ZMYND8: variants seen among roughly 807,000 people sequenced by gnomAD.
The protein encoded by ZMYND8 is zinc finger MYND-type containing 8, also known as MYND-type zinc finger-containing chromatin reader ZMYND8.
In ZMYND8, 37 loss-of-function variants were observed where a neutral mutation model predicts 140.8. The observed-to-expected ratio is 0.26, with a 90% CI of 0.20 to 0.35. The LOEUF (loss-of-function observed/expected upper bound fraction) is 0.35. Among genes scored for constraint, ZMYND8 ranks in the 10% least tolerant of loss-of-function variants. The pLI is 1.00. For missense variants in ZMYND8, 1,068 were observed against 1,570.0 expected (o/e 0.68, Z 5.40); for synonymous variants, 592 against 597.1 (o/e 0.99, Z 0.12).
intron 12 of ZMYND8, among the ~76,000 whole-genome samples, chr20:47,251,484 G>T (rs2147357324): frequency 6.6e-6 from 1 of 152,130 alleles, no homozygotes; most frequent in Non-Finnish European, 1.5e-5. Context: ...CTACTTGGGA[G>T]GCCGAAGTAG....
Position 47,219,055 on chromosome 20 carries a change from A to ATTTTTTTTTTTTTTTTTTTTTTTTTTT in ZMYND8, c.3484+1202_3484+1203insAAAAAAAAAAAAAAAAAAAAAAAAAAA, listed in dbSNP as rs3092175. Among the ~76,000 whole-genome samples, 63 of 110,910 alleles carry ATTTTTTTTTTTTTTTTTTTTTTTTTTT rather than the reference A, an allele frequency of 5.7e-4. 3 individuals are homozygous for ATTTTTTTTTTTTTTTTTTTTTTTTTTT. The highest frequency in any genetic ancestry group is 9.4e-4 in the Non-Finnish European group (51 of 54,254). The allele number at this position is 110,910 out of a possible 152,430, so 72.8% of individuals were successfully genotyped here. On this transcript the variant is annotated intron_variant, in intron 21 of 22. Coordinates refer to ENST00000471951, the MANE Select transcript of ZMYND8 (RefSeq NM_001281775.3). ...AACATGGCAAAACCCCGTTTCTACA[A>ATTTTTTTTTTTTTTTTTTTTTTTTTTT]TTTTTTTTTTTTTTTTTTTTGAGAG...
intron 21 of ZMYND8, among the ~76,000 whole-genome samples, chr20:47,216,163 C>T (rs1398503780): frequency 1.3e-5 from 2 of 151,992 alleles, no homozygotes; most frequent in Non-Finnish European, 2.9e-5. Context: ...CCATCATGGA[C>T]GATGGAATCC....
intron 2 of ZMYND8, among the ~76,000 whole-genome samples, chr20:47,330,306 C>T (rs2080826392): frequency 6.6e-6 from 1 of 151,882 alleles, no homozygotes; most frequent in Non-Finnish European, 1.5e-5. Context: ...CCTCCCACCT[C>T]AGCCTCCCAA....
chr20:47,230,334 C>A (rs942378966), intron 16 of ZMYND8, among the ~76,000 whole-genome samples: 17 of 151,644 alleles, frequency 1.1e-4, no homozygotes, highest in Non-Finnish European at 1.0e-4. Context: ...CTCTGTTGCC[C>A]AGACTGGAGT....
chr20:47,239,464 G>C (rs1219254266), intron 14 of ZMYND8, among the ~76,000 whole-genome samples: 1 of 152,236 alleles, frequency 6.6e-6, no homozygotes, highest in African/African-American at 2.4e-5. Flanking sequence ...AGTGGACAAT[G>C]CGGTGGGCGA....
At position 47,305,310 on chromosome 20, in the gene ZMYND8, G is replaced by A. The variant is rs184986956; in HGVS notation, c.234+4746C>T. On this transcript the variant is annotated intron_variant, in intron 3 of 22. Transcript: ENST00000471951. ...CACCCAGGCTGGAGTGCAGTGGTGC[G>A]ATATTGGTTCACTACAACCTCCGAG... Among the ~76,000 whole-genome samples the A allele has an allele frequency of 1.6e-3, 248 of 151,630 alleles. 1 individual carries two copies. Among genetic ancestry groups the A allele is most frequent in the Middle Eastern group, 0.014 (4 of 292 alleles).
chr20:47,213,299 G>C (rs2035555181), intron 21 of ZMYND8, among the ~76,000 whole-genome samples: 1 of 152,150 alleles, frequency 6.6e-6, no homozygotes, highest in African/African-American at 2.4e-5. Context: ...TCAAAAAACA[G>C]TGATATGAAA....
intron 7 of ZMYND8, 124 bp downstream of exon 7, chr20:47,290,062 TA>T: frequency 2.2e-6 from 2 of 893,700 alleles, no homozygotes; most frequent in Non-Finnish European, 3.3e-6. Flanking sequence ...TATTCACATA[TA>T]TTAGCACAAT....
intron 10 of ZMYND8, among the ~76,000 whole-genome samples, chr20:47,278,892 T>A (rs1417084547): frequency 2.6e-5 from 4 of 151,486 alleles, no homozygotes; most frequent in Admixed American, 1.3e-4. Flanking sequence ...GGCATCAGGG[T>A]CTCCAGTGCT....
At chr20:47,236,282 G>T in intron 16 of ZMYND8, 44 bp downstream of exon 16, 1 of 1,611,046 alleles carries the variant, frequency 6.2e-7, no homozygotes, top group South Asian at 1.1e-5. Flanking sequence ...CTGGCATCCT[G>T]CCAGGTGTCT....
At position 47,292,441 on chromosome 20, in the gene ZMYND8, GC is replaced by G. The variant is rs376428835; in HGVS notation, c.568-554del. On this transcript the variant is annotated intron_variant, in intron 5 of 22. Coordinates refer to ENST00000471951, the MANE Select transcript of ZMYND8 (RefSeq NM_001281775.3). ...AGCAAAAAAAAAACAAAAAAATTGT[GC>G]AAACCAAACTAAGGCTACACCTTTT... Among the ~76,000 whole-genome samples, 24 of 151,906 alleles carry G rather than the reference GC, an allele frequency of 1.6e-4. No individual in the cohort carries two copies. The East Asian group carries it at 3.1e-3, about 20-fold the overall frequency.
chr20:47,302,184 T>C (rs2078103140), intron 3 of ZMYND8, among the ~76,000 whole-genome samples: 2 of 115,370 alleles, frequency 1.7e-5, no homozygotes, highest in Non-Finnish European at 3.5e-5. Context: ...CATAAATGAA[T>C]TTTATGTTTA....
intron 2 of ZMYND8, among the ~76,000 whole-genome samples, chr20:47,336,616 G>A (rs2081404489): frequency 6.6e-6 from 1 of 152,196 alleles, no homozygotes; most frequent in Non-Finnish European, 1.5e-5. Flanking sequence ...GCATGGTGAG[G>A]CCAAATTCTG....
intron 12 of ZMYND8, among the ~76,000 whole-genome samples, chr20:47,257,451 A>G (rs961058782): frequency 1.3e-5 from 2 of 151,988 alleles, no homozygotes; most frequent in Admixed American, 1.3e-4. Flanking sequence ...CATATACTAT[A>G]TGCTCACCAT....
At chr20:47,320,823 G>GATA (rs1211646870) in intron 2 of ZMYND8, 2 of 152,232 alleles carry the variant, frequency 1.3e-5, no homozygotes, top group Non-Finnish European at 2.9e-5. Flanking sequence ...TGCACAGAAG[G>GATA]ATAGACGGGG....
chr20:47,298,336 CTGA>C lies in ZMYND8; in HGVS notation c.453+390_453+392del. ...CGTGGTCTTCTCAGCTTGGCTACTG[CTGA>C]TGATTCAATGATGCGGCAGGCAACA... On this transcript the variant is annotated intron_variant, in intron 4 of 22. Transcript: ENST00000471951. The surrounding 1 kb of genome is among the most constrained non-coding windows in gnomAD (Gnocchi z 5.0). 1.0e-6 allele frequency: 1 copy of C among 985,384 alleles called. No individual in the cohort carries two copies. 61.0% of individuals were successfully genotyped at this position (985,384 alleles called of 1,614,324 possible). A position where few individuals can be genotyped will look rare whatever the true frequency, so the allele number is the denominator to read the frequency against.
intron 2 of ZMYND8, among the ~76,000 whole-genome samples, chr20:47,325,733 G>A (rs563916248): frequency 6.6e-6 from 1 of 152,224 alleles, no homozygotes; most frequent in Admixed American, 6.5e-5. Context: ...TATCTCAGGA[G>A]GTTTTTCTAA....
chr20:47,343,910 GAAGA>G (rs1022218663), intron 2 of ZMYND8, among the ~76,000 whole-genome samples: 2 of 149,232 alleles, frequency 1.3e-5, no homozygotes, highest in African/African-American at 5.0e-5. Flanking sequence ...GATGGAAAGA[GAAGA>G]AAGACAGCCA....
intron 1 of ZMYND8, chr20:47,348,492 G>C (rs142007491): frequency 6.2e-6 from 1 of 162,334 alleles, no homozygotes; most frequent in Non-Finnish European, 1.3e-5. Flanking sequence ...ACACTGAACC[G>C]AGGAGCACTG....
Sources: allele counts gnomAD v4.1 joint callset (sites outside exome capture counted in the v4.1 genomes callset), GRCh38; gene constraint gnomAD v4.1.1; non-coding constraint Gnocchi (gnomAD v3.1); transcripts MANE v1.5; gene names NCBI Gene and HGNC (gene_info 2026-07-23, HGNC 2026-07-21).